Variants in RSPRY1 observed in about 807,000 individuals in gnomAD.
RSPRY1 encodes RING finger and SPRY domain-containing protein 1.
RSPRY1 carries 23 observed loss-of-function variants against 73.1 expected under a neutral mutation model. The observed-to-expected ratio is 0.31, with a 90% CI of 0.23 to 0.45. RSPRY1 has a LOEUF of 0.45. RSPRY1 is among the 20% of genes least tolerant of loss of function. The pLI is 1.00. For missense variants in RSPRY1, 448 were observed against 698.7 expected, an observed-to-expected ratio of 0.64 and a Z score of 4.05; for synonymous variants, 226 against 251.4, an observed-to-expected ratio of 0.90 and a Z score of 0.95.
chr16:57,206,529 T>C (rs1486698346), intron 2 of RSPRY1, among the ~76,000 whole-genome samples: 3 of 152,170 alleles, frequency 2.0e-5, no homozygotes, highest in Non-Finnish European at 4.4e-5. Flanking sequence ...GAAAAATGGG[T>C]GCAGAATAGA....
chr16:57,200,647 TGGCC>T (rs2074558485), intron 1 of RSPRY1, among the ~76,000 whole-genome samples: 1 of 137,358 alleles, frequency 7.3e-6, no homozygotes, highest in African/African-American at 2.7e-5. Context: ...ACGGGGCGGC[TGGCC>T]GGGCGGGGGG....
intron 1 of RSPRY1, among the ~76,000 whole-genome samples, chr16:57,198,392 A>AG (rs2074492607): frequency 6.6e-6 from 1 of 151,996 alleles, no homozygotes; most frequent in South Asian, 2.1e-4. Flanking sequence ...TCAAAAAAAA[A>AG]AAATTGTACT....
chr16:57,216,565 A>T (rs1275345797), intron 7 of RSPRY1: 4 of 324,404 alleles, frequency 1.2e-5, no homozygotes, highest in Admixed American at 9.0e-5. Flanking sequence ...AAAAAATTTT[A>T]AAAAATCAGC....
At chr16:57,205,529 T>C (rs1239365857) in intron 2 of RSPRY1, among the ~76,000 whole-genome samples, 1 of 152,262 alleles carries the variant, frequency 6.6e-6, no homozygotes, top group East Asian at 1.9e-4. Flanking sequence ...TGTCAGTTGA[T>C]ACTGCAAGGC....
At chr16:57,196,712 A>C (rs758119207) in intron 1 of RSPRY1, among the ~76,000 whole-genome samples, 5 of 152,084 alleles carry the variant, frequency 3.3e-5, no homozygotes, top group Non-Finnish European at 5.9e-5. Context: ...AGTTCTGTAA[A>C]AGATAAATTC....
At chr16:57,200,605 G>A (rs1309436310) in intron 1 of RSPRY1, among the ~76,000 whole-genome samples, 1 of 148,298 alleles carries the variant, frequency 6.7e-6, no homozygotes, top group African/African-American at 2.5e-5. Flanking sequence ...CCCAGTAGGG[G>A]CGGCCGGGCA....
chr16:57,226,262 G>A (rs1487966798), intron 10 of RSPRY1, among the ~76,000 whole-genome samples: 3 of 152,168 alleles, frequency 2.0e-5, no homozygotes, highest in Non-Finnish European at 4.4e-5. Flanking sequence ...ATCTGATCTT[G>A]TTACTGGAAA....
At chr16:57,230,876 A>G in intron 12 of RSPRY1, 63 bp downstream of exon 12, 1 of 972,264 alleles carries the variant, frequency 1.0e-6, no homozygotes, top group Non-Finnish European at 1.6e-6. Context: ...TCTCTAGGAA[A>G]AAAAAAGTCT....
intron 1 of RSPRY1, among the ~76,000 whole-genome samples, chr16:57,203,914 G>T (rs767353869): frequency 5.3e-5 from 8 of 152,276 alleles, no homozygotes; most frequent in Non-Finnish European, 8.8e-5. Context: ...GCAACAACTT[G>T]TATGAATTCT....
chr16:57,204,259 A>G (rs1472721308), intron 1 of RSPRY1, among the ~76,000 whole-genome samples: 3 of 152,208 alleles, frequency 2.0e-5, no homozygotes, highest in Admixed American at 6.5e-5. Flanking sequence ...AATCAATGAT[A>G]ACTCCTCTGG....
chr16:57,219,130 G>C (rs545788034), intron 8 of RSPRY1, among the ~76,000 whole-genome samples: 5 of 152,336 alleles, frequency 3.3e-5, no homozygotes, highest in Admixed American at 1.3e-4. Context: ...TGCGATTGCA[G>C]ATATTTCTTT....
At chr16:57,216,033 A>G (rs2074932805) in intron 6 of RSPRY1, 74 bp from the exon 7 acceptor site, 7 of 1,168,736 alleles carry the variant, frequency 6.0e-6, no homozygotes, top group African/African-American at 1.6e-5. Context: ...GGGCAAGGAA[A>G]TGAAACTGAT....
intron 1 of RSPRY1, among the ~76,000 whole-genome samples, chr16:57,203,340 C>T (rs2074661636): frequency 6.6e-6 from 1 of 152,142 alleles, no homozygotes; most frequent in African/African-American, 2.4e-5. Context: ...AGTAATATTT[C>T]TCTTCTAATT....
At chr16:57,187,732 C>T (rs1477584264) in intron 1 of RSPRY1, among the ~76,000 whole-genome samples, 1 of 152,010 alleles carries the variant, frequency 6.6e-6, no homozygotes, top group Non-Finnish European at 1.5e-5. Flanking sequence ...TGCTGGGAGC[C>T]ATATTGTACT....
chr16:57,220,784 T>C lies in RSPRY1; in HGVS notation c.954T>C (p.Ile318=), dbSNP rs775526478. ...ATGAGAAAGTGAACTTGAGTAGCATTAGGGCCATGCTGAATAGCAATGATG... is the reference window on the plus strand; with the variant it reads ...ATGAGAAAGTGAACTTGAGTAGCATCAGGGCCATGCTGAATAGCAATGATG... ...LTYEKVNLSS[I]RAMLNSNDVS... Residue 318 remains isoleucine, a synonymous_variant, in exon 9 of 15, where the codon ATT becomes ATC. Coordinates refer to ENST00000394420, the MANE Select transcript of RSPRY1 (RefSeq NM_133368.3). 4 of 1,614,028 alleles carry C rather than the reference T, an allele frequency of 2.5e-6. No individual in the cohort carries two copies. Among genetic ancestry groups the C allele is most frequent in the Non-Finnish European group, 2.5e-6 (3 of 1,179,872 alleles).
Position 57,188,990 on chromosome 16 carries a change from C to CTT in RSPRY1, c.-156+2558_-156+2559dup, listed in dbSNP as rs111782511. Among the ~76,000 whole-genome samples the CTT allele has an allele frequency of 1.0e-3, 126 of 121,432 alleles. 2 individuals carry two copies. The highest frequency in any genetic ancestry group is 2.1e-3 in the African/African-American group (69 of 32,712). The allele number at this position is 121,432 out of a possible 152,430, so 79.7% of individuals were successfully genotyped here. A position where few individuals can be genotyped will look rare whatever the true frequency, so the allele number is the denominator to read the frequency against. On this transcript the variant is annotated intron_variant, in intron 1 of 14. Coordinates refer to ENST00000394420, the MANE Select transcript of RSPRY1 (RefSeq NM_133368.3). ...TTATGCTTTTTTCTGTACTCAGTGA[C>CTT]TTTTTTTTTTTTTTTTTTTTGAGAC...
At chr16:57,210,668 G>A (rs1181502806) in intron 4 of RSPRY1, among the ~76,000 whole-genome samples, 4 of 151,462 alleles carry the variant, frequency 2.6e-5, no homozygotes, top group Admixed American at 6.6e-5. Context: ...AGCTGAGATT[G>A]TGCTACTGCA....
chr16:57,233,370 TTTAA>T (rs2075255018), intron 13 of RSPRY1, among the ~76,000 whole-genome samples: 3 of 152,074 alleles, frequency 2.0e-5, no homozygotes, highest in Non-Finnish European at 4.4e-5. Context: ...TCTCTGTTTT[TTTAA>T]TTTTTATTTT....
At chr16:57,233,086 C>G (rs552451407) in intron 13 of RSPRY1, among the ~76,000 whole-genome samples, 1 of 152,172 alleles carries the variant, frequency 6.6e-6, no homozygotes, top group African/African-American at 2.4e-5. Flanking sequence ...TTCAGTGATA[C>G]TTTATATTCA....
Sources: allele counts gnomAD v4.1 joint callset (sites outside exome capture counted in the v4.1 genomes callset), GRCh38; gene constraint gnomAD v4.1.1; transcripts MANE v1.5; gene names NCBI Gene and HGNC (gene_info 2026-07-23, HGNC 2026-07-21).